The following FTO variants were observed in gnomAD, a reference collection of about 807,000 sequenced individuals.
FTO encodes the protein FTO alpha-ketoglutarate dependent dioxygenase, also known as alpha-ketoglutarate-dependent dioxygenase FTO.
FTO carries 47 observed loss-of-function variants against 63.9 expected under a neutral mutation model. That is an observed-to-expected ratio of 0.74 (90% CI 0.58 to 0.94). The LOEUF is 0.94. Ranked by LOEUF, FTO falls within the 40% of genes least tolerant of loss-of-function variation. FTO has a pLI of 0.00. For synonymous variants in FTO, 207 were observed against 224.4 expected, an observed-to-expected ratio of 0.92 and a Z score of 0.69; for missense variants, 562 against 618.1, an observed-to-expected ratio of 0.91 and a Z score of 0.96.
intron 8 of FTO, among the ~76,000 whole-genome samples, chr16:54,076,016 G>A (rs2085984438): frequency 6.6e-6 from 1 of 152,082 alleles, no homozygotes; most frequent in Non-Finnish European, 1.5e-5. Flanking sequence ...GTGGCTAGCC[G>A]AGTGCAGGCT....
intron 8 of FTO, among the ~76,000 whole-genome samples, chr16:54,050,839 T>C (rs1199643855): frequency 6.6e-6 from 1 of 152,084 alleles, no homozygotes; most frequent in African/African-American, 2.4e-5. Flanking sequence ...AAAAAAATGC[T>C]CCAACAAATC....
intron 7 of FTO, among the ~76,000 whole-genome samples, chr16:53,904,433 A>G (rs1567418857): frequency 1.3e-5 from 2 of 152,188 alleles, no homozygotes; most frequent in African/African-American, 4.8e-5. Context: ...AGCGGTTCCC[A>G]TGAGGAACAC....
chr16:54,097,908 AG>A (rs147583163), intron 8 of FTO, among the ~76,000 whole-genome samples: 4,529 of 152,198 alleles, frequency 0.03, 148 homozygotes, highest in South Asian at 0.086. Context: ...AGTGACCTGA[AG>A]GGGTAAGGGG....
intron 8 of FTO, among the ~76,000 whole-genome samples, chr16:54,031,803 A>G (rs547030191): frequency 6.6e-6 from 1 of 152,340 alleles, no homozygotes; most frequent in South Asian, 2.1e-4. Context: ...CCCATACCTT[A>G]GCAAACCTTA....
chr16:53,723,489 G>C (rs114380289), intron 1 of FTO, among the ~76,000 whole-genome samples: 1 of 152,070 alleles, frequency 6.6e-6, no homozygotes, highest in Non-Finnish European at 1.5e-5. Flanking sequence ...CACCTGGTTG[G>C]GTCAGCTCAT....
chr16:53,891,131 C>T (rs895724797), intron 7 of FTO, among the ~76,000 whole-genome samples: 4 of 151,860 alleles, frequency 2.6e-5, no homozygotes, highest in Non-Finnish European at 4.4e-5. Context: ...GCTGGGATAA[C>T]AGGGGCCCGC....
In FTO at chr16:53,902,995, A is replaced by G. The variant is rs547897498; in HGVS notation, c.1239+14044A>G. Among the ~76,000 whole-genome samples the G allele has an allele frequency of 4.2e-4, 64 of 152,282 alleles. 1 individual carries two copies. In the South Asian group the frequency reaches 0.013, roughly 31 times the overall value. On this transcript the variant is annotated intron_variant, in intron 7 of 8. Coordinates refer to ENST00000471389, the MANE Select transcript of FTO (RefSeq NM_001080432.3). ...CGTAGTGGCACATGCCCGTAGTTCCAGCTACTCGGGAGGGTGGGGCAGGAG... is the reference window on the plus strand; with the variant it reads ...CGTAGTGGCACATGCCCGTAGTTCCGGCTACTCGGGAGGGTGGGGCAGGAG...
intron 8 of FTO, chr16:53,984,960 T>C (rs2083632713): frequency 2.2e-6 from 1 of 456,618 alleles, no homozygotes; most frequent in Middle Eastern, 3.3e-4. Flanking sequence ...TGTTGGTAAG[T>C]AGAGAAATTA....
chr16:53,863,079 C>T (rs964705572), intron 4 of FTO, among the ~76,000 whole-genome samples: 17 of 152,132 alleles, frequency 1.1e-4, no homozygotes, highest in African/African-American at 4.1e-4. Context: ...AGTCAGTTGC[C>T]AGTGGTTTTT....
chr16:53,960,279 C>G (rs926716476), intron 8 of FTO, among the ~76,000 whole-genome samples: 1 of 152,108 alleles, frequency 6.6e-6, no homozygotes, highest in Non-Finnish European at 1.5e-5. Context: ...TGTACACAGC[C>G]ACATCAAAAA....
At position 53,825,983 on chromosome 16, in the gene FTO, C is replaced by T. The variant is rs749973096; in HGVS notation, c.243C>T (p.Asp81=). 1 of 1,614,116 alleles carries T rather than the reference C, an allele frequency of 6.2e-7. No homozygotes were observed. Among genetic ancestry groups the T allele is most frequent in the Non-Finnish European group, 8.5e-7 (1 of 1,180,024 alleles). ...ACAAGCATGGCTGCTTATTTCGGGACCTGGTTAGGATCCAAGGCAAAGATC... is the reference window on the plus strand; with the variant it reads ...ACAAGCATGGCTGCTTATTTCGGGATCTGGTTAGGATCCAAGGCAAAGATC... The part of the protein sequence containing the change: ...TLHKHGCLFR[D]LVRIQGKDLL... The change falls in exon 3 of 9, where the codon GAC becomes GAT. Residue 81 remains aspartate (D), a synonymous_variant. Coordinates refer to ENST00000471389, the MANE Select transcript of FTO (RefSeq NM_001080432.3).
At chr16:53,866,973 C>A (rs2151864787) in intron 4 of FTO, among the ~76,000 whole-genome samples, 1 of 152,070 alleles carries the variant, frequency 6.6e-6, no homozygotes, top group Admixed American at 6.5e-5. Context: ...GATCTTTCTT[C>A]TTCTAATATA....
chr16:53,931,951 A>G (rs74245271), intron 7 of FTO, among the ~76,000 whole-genome samples: 2 of 151,920 alleles, frequency 1.3e-5, no homozygotes, highest in Non-Finnish European at 2.9e-5. Flanking sequence ...TCATGAATCT[A>G]GCATCAGTGA....
chr16:54,111,096 C>A (rs543287739), intron 8 of FTO, among the ~76,000 whole-genome samples: 1 of 152,100 alleles, frequency 6.6e-6, no homozygotes, highest in Admixed American at 6.5e-5. Context: ...CAATAAAAAC[C>A]GTGATTTAAG....
At chr16:53,784,104 T>C (rs2077668695) in intron 1 of FTO, among the ~76,000 whole-genome samples, 2 of 152,356 alleles carry the variant, frequency 1.3e-5, no homozygotes. Context: ...TGGGTGAGTG[T>C]TGAGCATGAG....
rs1418156964 is a variant in FTO at position 53,753,641 on chromosome 16, C to T, written c.45+49412C>T. On this transcript the variant is annotated intron_variant, in intron 1 of 8. Transcript: ENST00000471389. ...CCTCTAGCCTGCCCCCACATTCACT[C>T]AGTAAGACTGCCACCTTGAGACATG... Among the ~76,000 whole-genome samples, 3 of 152,206 alleles carry T rather than the reference C, an allele frequency of 2.0e-5. No individual in the cohort carries two copies. In the South Asian group the frequency reaches 6.2e-4, roughly 31 times the overall value.
chr16:53,737,941 A>G (rs530491062), intron 1 of FTO, among the ~76,000 whole-genome samples: 103 of 151,878 alleles, frequency 6.8e-4, no homozygotes, highest in Admixed American at 2.2e-3. Context: ...TGTAGAATGT[A>G]TAAGTTCTTT....
At chr16:53,960,321 T>A (rs2143624578) in intron 8 of FTO, among the ~76,000 whole-genome samples, 1 of 152,274 alleles carries the variant, frequency 6.6e-6, no homozygotes, top group South Asian at 2.1e-4. Flanking sequence ...CAGCTGTGAG[T>A]GTATCCGTGT....
intron 8 of FTO, among the ~76,000 whole-genome samples, chr16:53,982,421 A>G (rs13331136): frequency 7.2e-5 from 11 of 152,334 alleles, no homozygotes; most frequent in African/African-American, 2.6e-4. Context: ...GAACCAATGA[A>G]CTGATGAAAA....
Sources: allele counts gnomAD v4.1 joint callset (sites outside exome capture counted in the v4.1 genomes callset), GRCh38; gene constraint gnomAD v4.1.1; transcripts MANE v1.5; gene names NCBI Gene and HGNC (gene_info 2026-07-23, HGNC 2026-07-21).